C1orf185: variants seen among roughly 807,000 people sequenced by gnomAD.
C1orf185 encodes the protein uncharacterized protein C1orf185.
In C1orf185, 13 loss-of-function variants were observed where a neutral mutation model predicts 16.1. The observed-to-expected ratio is 0.81, with a 90% confidence interval of 0.53 to 1.28. The LOEUF is 1.28. Among genes scored for constraint, C1orf185 ranks in the 50% most tolerant of loss-of-function variants. The pLI, the probability that C1orf185 is intolerant of heterozygous loss-of-function variation, is 0.00. For synonymous variants in C1orf185, 80 were observed against 76.9 expected (o/e 1.04, Z -0.21); for missense variants, 220 against 225.2 (o/e 0.98, Z 0.15).
rs372240195 is a variant in C1orf185, at chr1:51,132,127, AGATTGATGGTAGATAAACCCACAGT to A, written c.258+13328_258+13352del. ...AACATCCAAAGGTCAGCAACCTCAG[AGATTGATGGTAGATAAACCCACAGT>A]GCAAAAACCCTGACAATTCAAAAAG... On this transcript the variant is annotated intron_variant, in intron 3 of 4. Coordinates refer to ENST00000371759, the MANE Select transcript of C1orf185 (RefSeq NM_001136508.2). Among the ~76,000 whole-genome samples the A allele has an allele frequency of 2.6e-4, 40 of 152,358 alleles. 3 individuals are homozygous for A. Among genetic ancestry groups the A allele is most frequent in the African/African-American group, 9.4e-4 (39 of 41,594 alleles).
intron 1 of C1orf185, among the ~76,000 whole-genome samples, chr1:51,110,358 G>T (rs1044941222): frequency 6.6e-6 from 1 of 152,050 alleles, no homozygotes; most frequent in African/African-American, 2.4e-5. Context: ...TGGGGCATTT[G>T]GAGTTTTTAT....
chr1:51,148,797 C>T (rs1350729901), downstream of C1orf185, among the ~76,000 whole-genome samples: 3 of 152,082 alleles, frequency 2.0e-5, no homozygotes, highest in Admixed American at 1.3e-4. Context: ...TGTGGTGGCA[C>T]ATGCCTGTAG....
At chr1:51,150,897 C>A (rs1646427042), downstream of C1orf185, among the ~76,000 whole-genome samples, 1 of 152,074 alleles carries the variant, frequency 6.6e-6, no homozygotes, top group Non-Finnish European at 1.5e-5. Flanking sequence ...TTTAGGGAAC[C>A]AAATATTTTC....
intron 1 of C1orf185, among the ~76,000 whole-genome samples, chr1:51,111,370 CTTTCT>C (rs1557643169): frequency 8.7e-6 from 1 of 114,428 alleles, no homozygotes; most frequent in Admixed American, 8.5e-5. Context: ...AGCTTTCTTT[CTTTCT>C]TTTTTTTTTT....
chr1:51,141,707 A>G (rs1164564288), intron 3 of C1orf185, among the ~76,000 whole-genome samples: 5 of 152,198 alleles, frequency 3.3e-5, no homozygotes, highest in Admixed American at 6.5e-5. Context: ...TAGAATGCAT[A>G]TTCTTTTCCT....
rs144759374 is a variant in C1orf185 at position 51,107,558 on chromosome 1, C to T, written c.17-4906C>T. Among the ~76,000 whole-genome samples, 35 of 152,174 alleles carry T rather than the reference C, an allele frequency of 2.3e-4. 1 individual carries two copies. The East Asian group carries it at 6.6e-3, about 28-fold the overall frequency. ...TACATAATTGGAATCATTGAATATA[C>T]ATTTATAGAACTTGCTTTTTTTGTA... On this transcript the variant is annotated intron_variant, in intron 1 of 4. Transcript: ENST00000371759.
chr1:51,113,346 A>AT (rs1280482490), intron 2 of C1orf185, among the ~76,000 whole-genome samples: 3 of 151,706 alleles, frequency 2.0e-5, no homozygotes, highest in Non-Finnish European at 4.4e-5. Flanking sequence ...CAACTGTAAA[A>AT]TTTGCTGTTT....
intron 1 of C1orf185, among the ~76,000 whole-genome samples, chr1:51,103,176 T>C (rs1331044031): frequency 6.6e-6 from 1 of 151,822 alleles, no homozygotes; most frequent in Non-Finnish European, 1.5e-5. Context: ...GAGGCCGAGG[T>C]GGGAGGATCC....
chr1:51,103,442 CACACACAA>C (rs998398845), intron 1 of C1orf185, among the ~76,000 whole-genome samples: 6 of 150,596 alleles, frequency 4.0e-5, no homozygotes, highest in African/African-American at 1.2e-4. Context: ...CACACACACA[CACACACAA>C]AAACCACGAA....
At chr1:51,142,878 C>T (rs1432030283) in intron 3 of C1orf185, among the ~76,000 whole-genome samples, 4 of 152,096 alleles carry the variant, frequency 2.6e-5, no homozygotes, top group Non-Finnish European at 5.9e-5. Context: ...ATTCTCATGC[C>T]TCAGCCTCCC....
chr1:51,124,182 C>T (rs975775145), intron 3 of C1orf185, among the ~76,000 whole-genome samples: 12 of 150,358 alleles, frequency 8.0e-5, no homozygotes, highest in South Asian at 4.3e-4. Flanking sequence ...CCTGGGTTCA[C>T]GCCATTCTCC....
chr1:51,106,006 A>G (rs1646068139), intron 1 of C1orf185, among the ~76,000 whole-genome samples: 1 of 152,172 alleles, frequency 6.6e-6, no homozygotes, highest in Non-Finnish European at 1.5e-5. Flanking sequence ...TAAATGATTC[A>G]TTTAAACCAG....
intron 2 of C1orf185, among the ~76,000 whole-genome samples, chr1:51,117,103 G>T (rs1646163499): frequency 2.0e-5 from 3 of 152,138 alleles, no homozygotes. Context: ...TTCCATGAGG[G>T]CAGGGGGCTG....
intron 3 of C1orf185, among the ~76,000 whole-genome samples, chr1:51,132,104 C>G (rs1646289811): frequency 6.6e-6 from 1 of 152,156 alleles, no homozygotes; most frequent in African/African-American, 2.4e-5. Flanking sequence ...AAAAAGAAAA[C>G]ATCCAAAGGT....
chr1:51,127,887 T>C, intron 3 of C1orf185, among the ~76,000 whole-genome samples: 1 of 121,366 alleles, frequency 8.2e-6, no homozygotes, highest in South Asian at 2.5e-4. Context: ...TTTTCTTTGT[T>C]TTTTTTTTTT....
intron 1 of C1orf185, among the ~76,000 whole-genome samples, chr1:51,109,845 T>C (rs574701540): frequency 1.2e-4 from 18 of 152,314 alleles, no homozygotes; most frequent in Admixed American, 2.0e-4. Context: ...ACTTTTTTTT[T>C]CCCCTCAGGA....
At chr1:51,115,679 C>T (rs150397449) in intron 2 of C1orf185, among the ~76,000 whole-genome samples, 203 of 152,278 alleles carry the variant, frequency 1.3e-3, no homozygotes, top group African/African-American at 4.7e-3. Flanking sequence ...TTCTGATTTA[C>T]ACTTTTAAAG....
intron 2 of C1orf185, among the ~76,000 whole-genome samples, chr1:51,118,199 C>A (rs756312598): frequency 6.6e-6 from 1 of 152,186 alleles, no homozygotes; most frequent in Non-Finnish European, 1.5e-5. Flanking sequence ...GGATTACAGG[C>A]GTAAGCCACC....
At chr1:51,133,564 T>C (rs1489564796) in intron 3 of C1orf185, among the ~76,000 whole-genome samples, 1 of 152,202 alleles carries the variant, frequency 6.6e-6, no homozygotes, top group Non-Finnish European at 1.5e-5. Context: ...AGCAAGTTCT[T>C]AGAGACCTTC....
Sources: allele counts gnomAD v4.1 joint callset (sites outside exome capture counted in the v4.1 genomes callset), GRCh38; gene constraint gnomAD v4.1.1; transcripts MANE v1.5; gene names NCBI Gene and HGNC (gene_info 2026-07-23, HGNC 2026-07-21).